CDH4: variants seen among roughly 807,000 people sequenced by gnomAD.
The protein encoded by CDH4 is cadherin 4.
A neutral mutation model predicts 86.0 loss-of-function variants in CDH4; 33 were observed. That is an observed-to-expected ratio of 0.38 (90% CI 0.29 to 0.51). The LOEUF (loss-of-function observed/expected upper bound fraction) is 0.51, where lower values mean the gene tolerates loss of function less well. Ranked by LOEUF, CDH4 falls within the 20% of genes least tolerant of loss-of-function variation. The pLI is 0.86. For synonymous variants in CDH4, 555 were observed against 549.4 expected (o/e 1.01, Z -0.14); for missense variants, 1,114 against 1,307.4 (o/e 0.85, Z 2.28).
At chr20:61,423,683 T>C (rs911416529) in intron 2 of CDH4, among the ~76,000 whole-genome samples, 7 of 114,344 alleles carry the variant, frequency 6.1e-5, no homozygotes, top group Non-Finnish European at 9.3e-5. Context: ...TCGTCATTTT[T>C]TTTTCATTTT....
intron 2 of CDH4, among the ~76,000 whole-genome samples, chr20:61,347,766 G>C (rs867229875): frequency 6.6e-6 from 1 of 152,214 alleles, no homozygotes; most frequent in Non-Finnish European, 1.5e-5. Flanking sequence ...ATTTGGCGGG[G>C]TGTGCTTTCC....
At chr20:61,563,302 A>G (rs2086236374) in intron 2 of CDH4, among the ~76,000 whole-genome samples, 2 of 152,216 alleles carry the variant, frequency 1.3e-5, no homozygotes, top group African/African-American at 4.8e-5. Flanking sequence ...GTTAGCAATC[A>G]GCTTCCGTTT....
chr20:61,780,673 T>C lies in CDH4; in HGVS notation c.576+7491T>C, dbSNP rs1269618971. On this transcript the variant is annotated intron_variant, in intron 4 of 15. Coordinates refer to ENST00000614565, the MANE Select transcript of CDH4 (RefSeq NM_001794.5). ...CTAACACTCCTATCAATAATAACTA[T>C]AAATTCTAGGGGAAAATGTTTAAGC... Among the ~76,000 whole-genome samples, 3 of 152,244 alleles carry C rather than the reference T, an allele frequency of 2.0e-5. No individual in the cohort carries two copies. In the East Asian group the frequency reaches 5.8e-4, roughly 29 times the overall value.
At chr20:61,770,351 C>G (rs2088759294) in intron 3 of CDH4, among the ~76,000 whole-genome samples, 1 of 152,232 alleles carries the variant, frequency 6.6e-6, no homozygotes, top group South Asian at 2.1e-4. Flanking sequence ...CAGCTTTGTC[C>G]TCCCTGCCTT....
intron 2 of CDH4, among the ~76,000 whole-genome samples, chr20:61,286,701 G>C (rs1292270493): frequency 6.6e-6 from 1 of 152,192 alleles, no homozygotes. Context: ...AGTTGTGTTT[G>C]TCAGCCCAGC....
intron 2 of CDH4, among the ~76,000 whole-genome samples, chr20:61,558,306 C>T (rs1287380267): frequency 6.6e-6 from 1 of 152,166 alleles, no homozygotes; most frequent in African/African-American, 2.4e-5. Context: ...TAGGACCATC[C>T]TTTCAAAATC....
At chr20:61,278,635 T>C (rs1373870452) in intron 2 of CDH4, among the ~76,000 whole-genome samples, 1 of 152,214 alleles carries the variant, frequency 6.6e-6, no homozygotes, top group African/African-American at 2.4e-5. Flanking sequence ...CTACAATAAT[T>C]GTTCTGAGAA....
chr20:61,689,836 A>G (rs1371724923), intron 2 of CDH4, among the ~76,000 whole-genome samples: 464 of 58,792 alleles, frequency 7.9e-3, no homozygotes, highest in Middle Eastern at 0.014. Context: ...TGTGGAATTG[A>G]GCTGGGACGG....
chr20:61,299,700 C>T (rs1287449906), intron 2 of CDH4, among the ~76,000 whole-genome samples: 1 of 152,184 alleles, frequency 6.6e-6, no homozygotes, highest in East Asian at 1.9e-4. Context: ...ATGCCTCACC[C>T]TTGAAAGGCC....
intron 4 of CDH4, 63 bp from the exon 5 acceptor site, chr20:61,844,605 G>T: frequency 6.7e-7 from 1 of 1,499,540 alleles, no homozygotes; most frequent in East Asian, 2.3e-5. Context: ...GAATGTCAGA[G>T]ATCGGCCCCG....
intron 2 of CDH4, among the ~76,000 whole-genome samples, chr20:61,636,193 AG>A (rs2086944867): frequency 5.9e-5 from 9 of 152,150 alleles, no homozygotes; most frequent in Admixed American, 5.9e-4. Context: ...TGAAATTTTT[AG>A]GCAGTTTACC....
chr20:61,644,406 A>G (rs894523080), intron 2 of CDH4, among the ~76,000 whole-genome samples: 7 of 152,238 alleles, frequency 4.6e-5, no homozygotes, highest in African/African-American at 9.6e-5. Context: ...AGCCAAGGCC[A>G]GTGAACCCGC....
chr20:61,321,185 T>C (rs1437337250), intron 2 of CDH4, among the ~76,000 whole-genome samples: 1 of 152,156 alleles, frequency 6.6e-6, no homozygotes, highest in East Asian at 1.9e-4. Context: ...TCATTAGTCG[T>C]TGATTGAGGT....
chr20:61,420,222 G>A (rs73316378), intron 2 of CDH4, among the ~76,000 whole-genome samples: 414 of 152,366 alleles, frequency 2.7e-3, no homozygotes, highest in African/African-American at 9.1e-3. Context: ...TCCCTCTGCA[G>A]GCAGCTCCTC....
rs186460491 is a variant in CDH4, at chr20:61,663,964, G to C, written c.170-79599G>C. On this transcript the variant is annotated intron_variant, in intron 2 of 15. Transcript: ENST00000614565. The surrounding 1 kb of genome is among the most constrained non-coding windows in gnomAD (Gnocchi z 5.0). ...GTCCAGCACCGGTCCACGTTGAGGTGTCTGTGTGCCACCGGGACCCTTCCG... is the reference window on the plus strand; with the variant it reads ...GTCCAGCACCGGTCCACGTTGAGGTCTCTGTGTGCCACCGGGACCCTTCCG... Among the ~76,000 whole-genome samples the C allele has an allele frequency of 6.6e-6, 1 of 152,234 alleles. No individual in the cohort carries two copies. The highest frequency in any genetic ancestry group is 2.4e-5 in the African/African-American group (1 of 41,470).
At chr20:61,434,082 C>T (rs1260417146) in intron 2 of CDH4, among the ~76,000 whole-genome samples, 1 of 152,126 alleles carries the variant, frequency 6.6e-6, no homozygotes, top group Non-Finnish European at 1.5e-5. Flanking sequence ...CCACTGGCTT[C>T]GTTCTTGGGG....
rs1007664375 is a variant in CDH4 at position 61,890,333 on chromosome 20, G to T, written c.1051-4577G>T. 2.6e-5 allele frequency among the ~76,000 whole-genome samples: 4 copies of T among 151,494 alleles called. No homozygotes were observed. In the East Asian group the frequency reaches 7.8e-4, roughly 29 times the overall value. ...GGATGGATAGATGGATGATGGATGG[G>T]TGAGTGAATGGATGTATGGATAGAT... On this transcript the variant is annotated intron_variant, in intron 7 of 15. Coordinates refer to ENST00000614565, the MANE Select transcript of CDH4 (RefSeq NM_001794.5).
intron 2 of CDH4, among the ~76,000 whole-genome samples, chr20:61,282,825 G>A (rs1055774687): frequency 6.6e-6 from 1 of 151,812 alleles, no homozygotes. Flanking sequence ...TGGTGTGCAC[G>A]TGTGTGCGTG....
chr20:61,395,081 G>A (rs528315965), intron 2 of CDH4, among the ~76,000 whole-genome samples: 94 of 151,484 alleles, frequency 6.2e-4, no homozygotes, highest in Non-Finnish European at 1.2e-3. Flanking sequence ...GGGAGGACAG[G>A]ACACTGGGCA....
Sources: gnomAD v4.1 joint callset for allele counts (sites outside exome capture counted in the v4.1 genomes callset) on GRCh38, gnomAD v4.1.1 for gene constraint, Gnocchi (gnomAD v3.1) non-coding constraint, MANE v1.5 for transcripts, NCBI Gene and HGNC (gene_info 2026-07-23, HGNC 2026-07-21) for gene names.